Variants in PSMA1 observed in about 807,000 individuals in gnomAD.
The protein encoded by PSMA1 is proteasome subunit alpha type-1.
In PSMA1, 3 loss-of-function variants were observed where a neutral mutation model predicts 38.4. That is an observed-to-expected ratio of 0.08 (90% CI 0.04 to 0.20). The LOEUF is 0.20. PSMA1 is among the 10% of genes least tolerant of loss of function. The pLI is 1.00. For missense variants in PSMA1, 227 were observed against 325.3 expected (o/e 0.70, Z 2.32); for synonymous variants, 101 against 107.1 (o/e 0.94, Z 0.35).
intron 2 of PSMA1, among the ~76,000 whole-genome samples, chr11:14,591,973 C>T (rs938420927): frequency 3.3e-5 from 5 of 152,098 alleles, no homozygotes; most frequent in Admixed American, 2.6e-4. Context: ...ACACTCACTG[C>T]GAAGATCTGC....
At chr11:14,609,059 G>T (rs986675463) in intron 2 of PSMA1, among the ~76,000 whole-genome samples, 1 of 152,140 alleles carries the variant, frequency 6.6e-6, no homozygotes, top group Non-Finnish European at 1.5e-5. Context: ...GTTCCTTCAA[G>T]AACTCAGAAT....
intron 1 of PSMA1, among the ~76,000 whole-genome samples, chr11:14,638,046 G>A (rs911852099): frequency 7.2e-5 from 11 of 152,148 alleles, no homozygotes; most frequent in African/African-American, 2.4e-4. Context: ...CCTTACACGT[G>A]TAATTTAATT....
intron 2 of PSMA1, among the ~76,000 whole-genome samples, chr11:14,602,330 T>A (rs1352066713): frequency 6.6e-6 from 1 of 152,186 alleles, no homozygotes; most frequent in Non-Finnish European, 1.5e-5. Context: ...CTGTCTCATT[T>A]ATCACCACCT....
In PSMA1 at chr11:14,638,566, TATATATATATATATATATA is replaced by T. The variant is rs1184104447; in HGVS notation, c.-166+4870_-166+4888del. Among the ~76,000 whole-genome samples, 135 of 22,684 alleles carry T rather than the reference TATATATATATATATATATA, an allele frequency of 6.0e-3. 6 individuals are homozygous for T. The highest frequency in any genetic ancestry group is 0.034 in the East Asian group (22 of 656). 14.9% of individuals were successfully genotyped at this position (22,684 alleles called of 152,430 possible). A position where few individuals can be genotyped will look rare whatever the true frequency, so the allele number is the denominator to read the frequency against. On this transcript the variant is annotated intron_variant, in intron 1 of 10. Coordinates refer to the PSMA1 transcript ENST00000418988. ...CTCTCTATATATATATATATATATA[TATATATATATATATATATA>T]TTTTTTTTTTTTTTTTTTTTTTTTT...
upstream of PSMA1, among the ~76,000 whole-genome samples, chr11:14,520,894 T>C (rs887203891): frequency 1.3e-5 from 2 of 152,254 alleles, no homozygotes; most frequent in African/African-American, 4.8e-5. Context: ...CAAAATACTT[T>C]GGAATGCTCT....
Position 14,520,347 on chromosome 11 carries a change from A to G in PSMA1, c.-48T>C, listed in dbSNP as rs775658741. ...CGGCCTCCAGCAAAACTGAGAATCA[A>G]GGAGGTGCTGCCGAAAGTATCGCTC... On this transcript the variant is annotated 5_prime_UTR_variant, in exon 1 of 10. Coordinates refer to ENST00000396394, the MANE Select transcript of PSMA1 (RefSeq NM_002786.4). 1.2e-6 allele frequency: 2 copies of G among 1,614,160 alleles called. No individual in the cohort carries two copies. Among genetic ancestry groups the G allele is most frequent in the South Asian group, 2.2e-5 (2 of 91,092 alleles).
At chr11:14,567,584 T>G (rs1159619954) in intron 2 of PSMA1, among the ~76,000 whole-genome samples, 3 of 152,232 alleles carry the variant, frequency 2.0e-5, no homozygotes, top group Non-Finnish European at 4.4e-5. Context: ...AAAATTTATT[T>G]GTAGCCCAAA....
chr11:14,528,210 A>G (rs1000890752), intron 2 of PSMA1, among the ~76,000 whole-genome samples: 5 of 152,144 alleles, frequency 3.3e-5, no homozygotes, highest in Non-Finnish European at 5.9e-5. Context: ...TCAAGGATAG[A>G]GCCCAAAAAC....
rs778698796 is a variant in PSMA1, at chr11:14,630,479, G to A, written c.-166+12976C>T. Among the ~76,000 whole-genome samples the A allele has an allele frequency of 5.3e-4, 81 of 152,138 alleles. 1 individual carries two copies. The highest frequency in any genetic ancestry group is 3.5e-3 in the East Asian group (18 of 5,180). On this transcript the variant is annotated intron_variant, in intron 1 of 10. Coordinates refer to the PSMA1 transcript ENST00000418988. ...TGCTGGATTACATTTATTGATTTGC[G>A]TATATTGAACCAGCCTTGCATCCCA...
chr11:14,510,516 T>A (rs1487277014), intron 8 of PSMA1, among the ~76,000 whole-genome samples: 1 of 152,152 alleles, frequency 6.6e-6, no homozygotes, highest in African/African-American at 2.4e-5. Flanking sequence ...GTACGTTCCA[T>A]GAAGAAAAAG....
In PSMA1 at chr11:14,635,254, G is replaced by A. The variant is rs147984072; in HGVS notation, c.-166+8201C>T. Among the ~76,000 whole-genome samples the A allele has an allele frequency of 3.0e-3, 458 of 152,318 alleles. 2 individuals carry two copies. Among genetic ancestry groups the A allele is most frequent in the Non-Finnish European group, 5.1e-3 (346 of 68,026 alleles). ...TTTAAAGTGTTGTTCATGTTAGAGT[G>A]GATGTTAGTGATCCTTTCAAACATG... On this transcript the variant is annotated intron_variant, in intron 1 of 10. Transcript: ENST00000418988.
intron 9 of PSMA1, among the ~76,000 whole-genome samples, chr11:14,507,433 T>C (rs1851262530): frequency 6.6e-6 from 1 of 152,214 alleles, no homozygotes; most frequent in Non-Finnish European, 1.5e-5. Flanking sequence ...CCCAAAGTGC[T>C]GGGATTACAG....
At chr11:14,546,960 A>G (rs996168669) in intron 2 of PSMA1, among the ~76,000 whole-genome samples, 2 of 152,240 alleles carry the variant, frequency 1.3e-5, no homozygotes, top group African/African-American at 4.8e-5. Context: ...CTTTAAATAG[A>G]CAGGTGCTAA....
chr11:14,518,503 T>C (rs141020328), intron 2 of PSMA1, among the ~76,000 whole-genome samples: 1,675 of 152,304 alleles, frequency 0.011, 14 homozygotes, highest in Non-Finnish European at 0.016. Context: ...AATGAACACA[T>C]CCGTTGTCTC....
At chr11:14,528,952 C>A (rs994120573) in intron 2 of PSMA1, among the ~76,000 whole-genome samples, 5 of 152,028 alleles carry the variant, frequency 3.3e-5, no homozygotes, top group African/African-American at 1.2e-4. Context: ...ATCCACCACC[C>A]GTTGCTGACT....
At chr11:14,540,844 C>G (rs1027541727) in intron 2 of PSMA1, among the ~76,000 whole-genome samples, 1 of 149,700 alleles carries the variant, frequency 6.7e-6, no homozygotes, top group Non-Finnish European at 1.5e-5. Context: ...CTCCCATGTT[C>G]TAGTGTAAAA....
At chr11:14,604,281 T>G (rs1057263364) in intron 2 of PSMA1, among the ~76,000 whole-genome samples, 4 of 152,116 alleles carry the variant, frequency 2.6e-5, no homozygotes, top group Non-Finnish European at 5.9e-5. Context: ...AGGCTGGTCT[T>G]GAACCACTGA....
At chr11:14,568,930 G>A (rs1417227346) in intron 2 of PSMA1, among the ~76,000 whole-genome samples, 1 of 152,196 alleles carries the variant, frequency 6.6e-6, no homozygotes, top group Non-Finnish European at 1.5e-5. Context: ...ACCATGTTGT[G>A]AGGCTGCACA....
chr11:14,628,089 C>T (rs1019470810), intron 1 of PSMA1, among the ~76,000 whole-genome samples: 2 of 152,170 alleles, frequency 1.3e-5, no homozygotes, highest in African/African-American at 2.4e-5. Flanking sequence ...GAACATGAAT[C>T]CTTTTGTGAA....
Sources: gnomAD v4.1 joint callset for allele counts (sites outside exome capture counted in the v4.1 genomes callset) on GRCh38, gnomAD v4.1.1 for gene constraint, MANE v1.5 for transcripts, NCBI Gene and HGNC (gene_info 2026-07-23, HGNC 2026-07-21) for gene names.